Variants in STK32B observed in about 807,000 individuals in gnomAD.
The protein encoded by STK32B is serine/threonine-protein kinase 32B.
A neutral mutation model predicts 52.6 loss-of-function variants in STK32B; 43 were observed. The ratio of observed to expected loss-of-function variants is 0.82; its 90% CI spans 0.64 to 1.05. STK32B has a LOEUF of 1.05. STK32B is among the 50% of genes least tolerant of loss of function. The pLI is 0.00. For missense variants in STK32B, 621 were observed against 534.6 expected (o/e 1.16, Z -1.59); for synonymous variants, 238 against 204.3 (o/e 1.17, Z -1.41).
intron 3 of STK32B, among the ~76,000 whole-genome samples, chr4:5,247,068 C>T (rs184057757): frequency 6.2e-4 from 95 of 152,352 alleles, no homozygotes; most frequent in African/African-American, 1.8e-3. Flanking sequence ...TCTCAAGCTG[C>T]ATGCTGGGAG....
chr4:5,109,580 G>A (rs982867449), intron 1 of STK32B, among the ~76,000 whole-genome samples: 14 of 152,200 alleles, frequency 9.2e-5, no homozygotes, highest in African/African-American at 3.4e-4. Context: ...AAATCCAGCA[G>A]TCCTCCATGA....
intron 2 of STK32B, among the ~76,000 whole-genome samples, chr4:5,156,661 C>T (rs185246309): frequency 1.2e-3 from 189 of 152,294 alleles, no homozygotes; most frequent in Admixed American, 2.9e-3. Context: ...CTTGGATTGG[C>T]ACGTGGGCCC....
chr4:5,431,644 C>T (rs1055177945), intron 6 of STK32B, among the ~76,000 whole-genome samples: 1 of 152,136 alleles, frequency 6.6e-6, no homozygotes, highest in Admixed American at 6.5e-5. Flanking sequence ...ATTGTTTCCT[C>T]TCCTTCTTCC....
chr4:5,461,123 A>T (rs1021857564), intron 9 of STK32B, among the ~76,000 whole-genome samples: 34 of 152,120 alleles, frequency 2.2e-4, no homozygotes, highest in African/African-American at 8.0e-4. Context: ...AATAGTGACA[A>T]TTGGGATGGA....
chr4:5,028,025 T>C, the STK32B span, among the ~76,000 whole-genome samples: 2 of 152,236 alleles, frequency 1.3e-5, no homozygotes, highest in Non-Finnish European at 2.9e-5. Context: ...GCAGAGTTCC[T>C]TCAGCTTGAG....
intron 4 of STK32B, among the ~76,000 whole-genome samples, chr4:5,352,513 C>T (rs1281923683): frequency 6.6e-6 from 1 of 151,842 alleles, no homozygotes; most frequent in African/African-American, 2.4e-5. Flanking sequence ...AAGCTGAAAT[C>T]CTTTCCCCTA....
At chr4:5,160,827 G>GGCTGGGGT (rs1359830883) in intron 2 of STK32B, among the ~76,000 whole-genome samples, 1 of 152,206 alleles carries the variant, frequency 6.6e-6, no homozygotes, top group Non-Finnish European at 1.5e-5. Context: ...CAGAGAGGGA[G>GGCTGGGGT]GCTGGGGTGC....
At chr4:5,271,505 A>G (rs1183106211) in intron 3 of STK32B, among the ~76,000 whole-genome samples, 1 of 150,890 alleles carries the variant, frequency 6.6e-6, no homozygotes, top group African/African-American at 2.5e-5. Flanking sequence ...TTGGTTCCAT[A>G]TGAACTTGAA....
intron 3 of STK32B, among the ~76,000 whole-genome samples, chr4:5,213,559 G>A (rs143034160): frequency 2.4e-4 from 37 of 152,290 alleles, no homozygotes; most frequent in African/African-American, 7.7e-4. Context: ...CTGGTGAAGA[G>A]GTTATTGATG....
intron 1 of STK32B, among the ~76,000 whole-genome samples, chr4:5,111,425 T>C (rs1261238569): frequency 6.6e-6 from 1 of 152,160 alleles, no homozygotes; most frequent in East Asian, 1.9e-4. Flanking sequence ...AATGGAATAG[T>C]ATACAGCCAT....
chr4:5,449,801 G>A (rs1200886086), intron 7 of STK32B, among the ~76,000 whole-genome samples: 7 of 152,234 alleles, frequency 4.6e-5, no homozygotes, highest in South Asian at 2.1e-4. Flanking sequence ...CCTAGGGTGC[G>A]TGCACCTTAT....
rs75534745 is a variant in STK32B at position 5,394,066 on chromosome 4, C to T, written c.435-4141C>T. Among the ~76,000 whole-genome samples, 2,881 of 152,320 alleles carry T rather than the reference C, an allele frequency of 0.019. 84 individuals carry two copies. The highest frequency in any genetic ancestry group is 0.063 in the African/African-American group (2,638 of 41,574). On this transcript the variant is annotated intron_variant, in intron 4 of 11. Coordinates refer to ENST00000282908, the MANE Select transcript of STK32B (RefSeq NM_018401.3). This position sits in a 1 kb window ranked among gnomAD's most constrained non-coding sequence, Gnocchi z 4.2. Reference sequence around the variant, plus strand: ...TATTGAGAAGCCCCCTGCCAAAAGACACATGCAGAAACATCCTGGTGGCCC... The same window carrying T: ...TATTGAGAAGCCCCCTGCCAAAAGATACATGCAGAAACATCCTGGTGGCCC...
intron 11 of STK32B, among the ~76,000 whole-genome samples, chr4:5,477,045 G>C (rs7661036): frequency 0.16 from 24,386 of 152,050 alleles, 2,607 homozygotes; most frequent in African/African-American, 0.3. Flanking sequence ...CTATATTTCT[G>C]TTGTTTTTAA....
Position 5,198,427 on chromosome 4 carries a change from C to T in STK32B, c.260+29977C>T, listed in dbSNP as rs1030214417. 2.6e-5 allele frequency among the ~76,000 whole-genome samples: 4 copies of T among 152,082 alleles called. No homozygotes were observed. The East Asian group carries it at 7.7e-4, about 29-fold the overall frequency. Reference sequence around the variant, plus strand: ...TGTTTTAATACGTGTGCCTTTGATTCCCAATAATACTAATAATTTTTTTCA... The same window carrying T: ...TGTTTTAATACGTGTGCCTTTGATTTCCAATAATACTAATAATTTTTTTCA... On this transcript the variant is annotated intron_variant, in intron 3 of 11. Transcript: ENST00000282908.
At chr4:5,385,511 T>G (rs771923734) in intron 4 of STK32B, among the ~76,000 whole-genome samples, 18 of 152,018 alleles carry the variant, frequency 1.2e-4, no homozygotes, top group Middle Eastern at 3.4e-3. Flanking sequence ...CAAGTGGAGA[T>G]GGCTACATCA....
chr4:5,438,542 C>A (rs369713882), intron 6 of STK32B, among the ~76,000 whole-genome samples: 1 of 152,132 alleles, frequency 6.6e-6, no homozygotes, highest in African/African-American at 2.4e-5. Flanking sequence ...AACTGATGGA[C>A]GATGGGGAGG....
intron 3 of STK32B, among the ~76,000 whole-genome samples, chr4:5,257,008 T>G (rs184376400): frequency 6.6e-6 from 1 of 151,946 alleles, no homozygotes; most frequent in Non-Finnish European, 1.5e-5. Context: ...TGTGAGTGAG[T>G]GGATGAATAA....
chr4:5,020,966 C>A, the STK32B span, among the ~76,000 whole-genome samples: 1 of 152,144 alleles, frequency 6.6e-6, no homozygotes, highest in African/African-American at 2.4e-5. Flanking sequence ...CTTCCTCCAA[C>A]AAAGGAGGAA....
At chr4:5,426,234 G>A (rs4017772) in intron 6 of STK32B, among the ~76,000 whole-genome samples, 24,572 of 151,964 alleles carry the variant, frequency 0.16, 2,752 homozygotes, top group East Asian at 0.41. Flanking sequence ...CTGTGTCCTT[G>A]CCAGTACTTG....
Sources: allele counts gnomAD v4.1 joint callset (sites outside exome capture counted in the v4.1 genomes callset), GRCh38; gene constraint gnomAD v4.1.1; non-coding constraint Gnocchi (gnomAD v3.1); transcripts MANE v1.5; gene names NCBI Gene and HGNC (gene_info 2026-07-23, HGNC 2026-07-21).